The following PLP1 variants were observed in gnomAD, a reference collection of about 807,000 sequenced individuals.
The protein encoded by PLP1 is myelin proteolipid protein.
A neutral mutation model predicts 18.5 loss-of-function variants in PLP1; 2 were observed. The observed-to-expected ratio is 0.11, with a 90% CI of 0.04 to 0.34. The LOEUF is 0.34. Ranked by LOEUF, PLP1 falls within the 10% of genes least tolerant of loss-of-function variation. The probability of loss-of-function intolerance (pLI) is 1.00; values close to 1 mark genes in which losing one functional copy is unlikely to be tolerated. For missense variants in PLP1, 105 were observed against 207.3 expected (o/e 0.51, Z 3.03); for synonymous variants, 86 against 83.2 (o/e 1.03, Z -0.19).
intron 1 of PLP1, among the ~76,000 whole-genome samples, chrX:103,783,320 A>G (rs1357368974): frequency 8.9e-6 from 1 of 112,146 alleles, no homozygotes; most frequent in Non-Finnish European, 1.9e-5. Context: ...TGCTGAGTAA[A>G]CTCAGCCTCC....
rs941412098 is a variant in PLP1 at position 103,791,622 on chromosome X, G to A, written c.*1024G>A. 3.5e-5 allele frequency: 4 copies of A among 112,741 alleles called. No homozygotes were observed. The highest frequency in any genetic ancestry group is 2.8e-4 in the East Asian group (1 of 3,588). 9.3% of individuals were successfully genotyped at this position (112,741 alleles called of 1,213,427 possible). A position where few individuals can be genotyped will look rare whatever the true frequency, so the allele number is the denominator to read the frequency against. On this transcript the variant is annotated 3_prime_UTR_variant, in exon 7 of 7. Transcript: ENST00000621218. ...ATGGGGTATTATCCATTCAGTCATC[G>A]TAGGTGATTTGAAGGTCTTGATTTG... is the stretch of plus-strand genomic sequence containing the variant.
intron 6 of PLP1, among the ~76,000 whole-genome samples, chrX:103,789,779 C>G (rs1414663161): frequency 9.0e-6 from 1 of 111,731 alleles, no homozygotes; most frequent in Non-Finnish European, 1.9e-5. Context: ...CTTGCTATAG[C>G]CTGGAATTCT....
Position 103,789,137 on chromosome X carries a change from T to G in PLP1, c.697-196T>G, listed in dbSNP as rs762736084. The G allele has an allele frequency of 2.6e-4, 125 of 474,524 alleles. No individual in the cohort carries two copies. In the South Asian group the frequency reaches 3.5e-3, roughly 13 times the overall value. The allele number at this position is 474,524 out of a possible 1,213,427, so 39.1% of individuals were successfully genotyped here. ...TTTCATGACTATTCTGTGATCTGGG[T>G]GTTAATGGGCCAGGTGCTATGGTGT... On this transcript the variant is annotated intron_variant, in intron 5 of 6. Coordinates refer to ENST00000621218, the MANE Select transcript of PLP1 (RefSeq NM_000533.5).
chrX:103,780,437 C>CTGTGTGTGTG (rs1491323272), intron 1 of PLP1, among the ~76,000 whole-genome samples: 25 of 87,877 alleles, frequency 2.8e-4, no homozygotes, highest in Non-Finnish European at 4.0e-4. Flanking sequence ...TTCTGTCTCT[C>CTGTGTGTGTG]TCTGTGTGTG....
intron 1 of PLP1, among the ~76,000 whole-genome samples, chrX:103,778,536 T>G (rs758126987): frequency 9.0e-6 from 1 of 111,123 alleles, no homozygotes; most frequent in East Asian, 2.9e-4. Context: ...ATGTTGAATA[T>G]TACTTCCTCA....
At chrX:103,788,385 G>T in intron 4 of PLP1, 52 bp from the exon 5 acceptor site, 2 of 890,836 alleles carry the variant, frequency 2.2e-6, no homozygotes, top group Non-Finnish European at 3.3e-6. Context: ...GTCTCCATGT[G>T]GCCCCGTAAC....
At chrX:103,784,225 C>G (rs980822320) in intron 1 of PLP1, among the ~76,000 whole-genome samples, 1 of 111,780 alleles carries the variant, frequency 8.9e-6, no homozygotes, top group Non-Finnish European at 1.9e-5. Context: ...GATACCAGGT[C>G]TGGGGATCTC....
At chrX:103,787,662 C>T in intron 3 of PLP1, 136 bp from the exon 4 acceptor site, 2 of 569,779 alleles carry the variant, frequency 3.5e-6, no homozygotes, top group South Asian at 2.4e-5. Context: ...GTGCCCTGCT[C>T]ACTAATTTCA....
chrX:103,786,394 T>C (rs761893361), intron 2 of PLP1, 71 bp from the exon 3 acceptor site: 89 of 1,125,712 alleles, frequency 7.9e-5, no homozygotes, highest in Non-Finnish European at 1.0e-4. Context: ...ATACCTCACT[T>C]ATGTCGGGAA....
intron 2 of PLP1, 57 bp downstream of exon 2, chrX:103,785,825 A>G: frequency 9.6e-7 from 1 of 1,044,216 alleles, no homozygotes; most frequent in Admixed American, 2.2e-5. Context: ...TCCATCCTGG[A>G]GATAGAGAAC....
rs780100343 is a variant in PLP1 at position 103,778,540 on chromosome X, T to G, written c.4+1541T>G. 2.7e-5 allele frequency among the ~76,000 whole-genome samples: 3 copies of G among 111,275 alleles called. No individual in the cohort carries two copies. The South Asian group carries it at 1.2e-3, about 44-fold the overall frequency. ...AGTAAAGAAGGATGTTGAATATTACTTCCTCAGGGGATGAAATCCCTGAGG... is the reference window on the plus strand; with the variant it reads ...AGTAAAGAAGGATGTTGAATATTACGTCCTCAGGGGATGAAATCCCTGAGG... On this transcript the variant is annotated intron_variant, in intron 1 of 6. Coordinates refer to ENST00000621218, the MANE Select transcript of PLP1 (RefSeq NM_000533.5).
chrX:103,786,172 G>A, intron 2 of PLP1: 1 of 1,119,578 alleles, frequency 8.9e-7, no homozygotes, highest in Non-Finnish European at 1.2e-6. Flanking sequence ...CTACTCCTGT[G>A]AGTTAGCATG....
At chrX:103,783,425 T>C (rs1415046195) in intron 1 of PLP1, among the ~76,000 whole-genome samples, 1 of 112,553 alleles carries the variant, frequency 8.9e-6, no homozygotes, top group Non-Finnish European at 1.9e-5. Flanking sequence ...CTGCTCCAAA[T>C]GTTAGCTGCT....
chrX:103,784,041 C>T (rs1219029519), intron 1 of PLP1, among the ~76,000 whole-genome samples: 1 of 112,139 alleles, frequency 8.9e-6, no homozygotes, highest in Non-Finnish European at 1.9e-5. Context: ...GCCGAGAGGC[C>T]AGAGGAAGCC....
intron 2 of PLP1, 78 bp from the exon 3 acceptor site, chrX:103,786,387 C>T (rs774521299): frequency 1.3e-5 from 14 of 1,104,677 alleles, no homozygotes; most frequent in South Asian, 3.7e-5. Context: ...CTGGTGTATA[C>T]CTCACTTATG....
At chrX:103,781,699 G>A (rs1351132275) in intron 1 of PLP1, among the ~76,000 whole-genome samples, 1 of 112,355 alleles carries the variant, frequency 8.9e-6, no homozygotes. Context: ...AAACACTGGA[G>A]GGGGTCATTA....
chrX:103,785,454 G>A (rs1044489367), intron 1 of PLP1, 128 bp from the exon 2 acceptor site: 11 of 560,170 alleles, frequency 2.0e-5, no homozygotes, highest in Admixed American at 5.1e-5. Context: ...ACCTCTAGCC[G>A]CTCCTGCTTT....
rs745708306 is a variant in PLP1 at position 103,792,423 on chromosome X, C to A, written c.*1825C>A. ...TTAATAACATAACAAATAACCAACC[C>A]TTCCCTGAAAACCTCACATGCATAC... On this transcript the variant is annotated 3_prime_UTR_variant, in exon 7 of 7. Transcript: ENST00000621218. The A allele has an allele frequency of 2.7e-5, 3 of 112,389 alleles. No individual in the cohort carries two copies. The South Asian group carries it at 1.1e-3, about 42-fold the overall frequency. 9.3% of individuals were successfully genotyped at this position (112,389 alleles called of 1,213,427 possible).
intron 6 of PLP1, among the ~76,000 whole-genome samples, chrX:103,790,316 A>G (rs1394219801): frequency 8.9e-6 from 1 of 112,984 alleles, no homozygotes. Flanking sequence ...GGCCTGGGCC[A>G]TGAGACCCAT....
Sources: gnomAD v4.1 joint callset for allele counts (sites outside exome capture counted in the v4.1 genomes callset) on GRCh38, gnomAD v4.1.1 for gene constraint, MANE v1.5 for transcripts, NCBI Gene and HGNC (gene_info 2026-07-23, HGNC 2026-07-21) for gene names.